Variants in IL1RAPL2 observed in about 807,000 individuals in gnomAD.
IL1RAPL2 encodes the protein X-linked interleukin-1 receptor accessory protein-like 2.
A neutral mutation model predicts 44.1 loss-of-function variants in IL1RAPL2; 3 were observed. The ratio of observed to expected loss-of-function variants is 0.07; its 90% CI spans 0.03 to 0.18. The LOEUF (loss-of-function observed/expected upper bound fraction) is 0.18, where lower values mean the gene tolerates loss of function less well. IL1RAPL2 is among the 10% of genes least tolerant of loss of function. The probability of loss-of-function intolerance (pLI) is 1.00; values close to 1 mark genes in which losing one functional copy is unlikely to be tolerated. For missense variants in IL1RAPL2, 391 were observed against 496.4 expected (o/e 0.79, Z 2.02); for synonymous variants, 181 against 178.8 (o/e 1.01, Z -0.10).
intron 2 of IL1RAPL2, among the ~76,000 whole-genome samples, chrX:104,910,504 G>A (rs759821373): frequency 1.8e-5 from 2 of 111,676 alleles, no homozygotes; most frequent in Non-Finnish European, 3.8e-5. Flanking sequence ...TTCTTCTAAT[G>A]CTATCCCTCC....
intron 5 of IL1RAPL2, among the ~76,000 whole-genome samples, chrX:105,415,226 TC>T (rs1321412027): frequency 8.9e-6 from 1 of 112,162 alleles, no homozygotes; most frequent in Non-Finnish European, 1.9e-5. Context: ...TGACTCGGGT[TC>T]CCTTCTCTAA....
intron 8 of IL1RAPL2, 88 bp from the exon 9 acceptor site, chrX:105,748,872 G>A (rs757136147): frequency 2.2e-6 from 2 of 915,287 alleles, no homozygotes; most frequent in African/African-American, 3.9e-5. Flanking sequence ...AAAACAGAAT[G>A]TTAGTACATC....
intron 5 of IL1RAPL2, among the ~76,000 whole-genome samples, chrX:105,353,412 G>T (rs971026868): frequency 9.0e-6 from 1 of 111,163 alleles, no homozygotes; most frequent in African/African-American, 3.3e-5. Context: ...TTGGCAACGC[G>T]GGCTCTTTTT....
At chrX:105,106,082 G>A (rs988983476) in intron 2 of IL1RAPL2, among the ~76,000 whole-genome samples, 4 of 111,789 alleles carry the variant, frequency 3.6e-5, no homozygotes, top group African/African-American at 1.3e-4. Context: ...TGGATTTCAG[G>A]AGCCTCAATG....
At chrX:104,866,649 G>A (rs989307688) in intron 2 of IL1RAPL2, among the ~76,000 whole-genome samples, 1 of 111,888 alleles carries the variant, frequency 8.9e-6, no homozygotes, top group Non-Finnish European at 1.9e-5. Context: ...GTGGATGCCG[G>A]TATTAGAAAA....
chrX:104,919,683 A>T, intron 2 of IL1RAPL2, among the ~76,000 whole-genome samples: 1 of 78,226 alleles, frequency 1.3e-5, no homozygotes, highest in African/African-American at 4.6e-5. Context: ...AGACATCTGC[A>T]ACCACACCCA....
At chrX:105,227,615 G>T (rs184302601) in intron 3 of IL1RAPL2, among the ~76,000 whole-genome samples, 2 of 111,801 alleles carry the variant, frequency 1.8e-5, no homozygotes, top group East Asian at 5.7e-4. Context: ...ACACATAGCA[G>T]GTGCCCATTA....
chrX:105,467,472 C>T (rs1223541470), intron 5 of IL1RAPL2, among the ~76,000 whole-genome samples: 1 of 111,449 alleles, frequency 9.0e-6, no homozygotes, highest in Non-Finnish European at 1.9e-5. Context: ...CAACATAATT[C>T]ACTGTGATTT....
intron 2 of IL1RAPL2, among the ~76,000 whole-genome samples, chrX:104,898,694 A>G (rs561932377): frequency 8.9e-6 from 1 of 112,255 alleles, no homozygotes; most frequent in South Asian, 3.7e-4. Context: ...TTCCCATGAA[A>G]GCTTTTAATA....
intron 2 of IL1RAPL2, among the ~76,000 whole-genome samples, chrX:104,973,528 G>A (rs1429039252): frequency 9.0e-6 from 1 of 111,441 alleles, no homozygotes; most frequent in East Asian, 2.8e-4. Context: ...GCTAAAGGAG[G>A]GAGTTACATG....
intron 2 of IL1RAPL2, among the ~76,000 whole-genome samples, chrX:104,838,301 A>G (rs1921797072): frequency 1.8e-5 from 2 of 111,952 alleles, no homozygotes; most frequent in Admixed American, 1.9e-4. Context: ...CATTGAATCT[A>G]TAAATTACTT....
intron 2 of IL1RAPL2, among the ~76,000 whole-genome samples, chrX:104,950,578 C>T (rs1159399094): frequency 1.8e-5 from 2 of 112,744 alleles, no homozygotes; most frequent in South Asian, 3.6e-4. Context: ...GCCTGGCTGC[C>T]GCCTTGCAGT....
At chrX:105,029,311 T>C (rs2031435731) in intron 2 of IL1RAPL2, among the ~76,000 whole-genome samples, 1 of 106,422 alleles carries the variant, frequency 9.4e-6, no homozygotes, top group Non-Finnish European at 1.9e-5. Flanking sequence ...GCAGGTTTGT[T>C]ACATATGTAT....
intron 4 of IL1RAPL2, among the ~76,000 whole-genome samples, chrX:105,247,589 G>GTATA (rs748826139): frequency 0.039 from 3,733 of 94,608 alleles, 269 homozygotes; most frequent in African/African-American, 0.17. Flanking sequence ...AGAAGTGTGT[G>GTATA]TGTATATATA....
At chrX:105,381,553 G>A (rs756075597) in intron 5 of IL1RAPL2, among the ~76,000 whole-genome samples, 34 of 111,619 alleles carry the variant, frequency 3.0e-4, no homozygotes, top group Non-Finnish European at 5.3e-4. Context: ...GATGTTATAC[G>A]ATAATAGACA....
At chrX:104,976,405 T>C (rs1440322927) in intron 2 of IL1RAPL2, among the ~76,000 whole-genome samples, 1 of 112,129 alleles carries the variant, frequency 8.9e-6, no homozygotes, top group Non-Finnish European at 1.9e-5. Flanking sequence ...AAGTGGATTG[T>C]AAGTATTTGC....
At chrX:105,374,942 T>G (rs112481762) in intron 5 of IL1RAPL2, among the ~76,000 whole-genome samples, 1 of 66,831 alleles carries the variant, frequency 1.5e-5, no homozygotes, top group Admixed American at 1.7e-4. Context: ...CGAGACTCCA[T>G]CTCAAAAAAA....
chrX:104,764,315 T>C (rs1988937), intron 2 of IL1RAPL2, among the ~76,000 whole-genome samples: 60,600 of 110,086 alleles, frequency 0.55, 13,396 homozygotes, highest in African/African-American at 0.83. Context: ...TTATGTGTGG[T>C]TATTGTAAAT....
chrX:105,090,999 T>C (rs374673609), intron 2 of IL1RAPL2, among the ~76,000 whole-genome samples: 2 of 112,318 alleles, frequency 1.8e-5, no homozygotes, highest in East Asian at 5.6e-4. Context: ...TTGGTGGCAA[T>C]TGCCTTGGCT....
Sources: allele counts gnomAD v4.1 joint callset (sites outside exome capture counted in the v4.1 genomes callset), GRCh38; gene constraint gnomAD v4.1.1; transcripts MANE v1.5; gene names NCBI Gene and HGNC (gene_info 2026-07-23, HGNC 2026-07-21).